PTPRT: variants seen among roughly 807,000 people sequenced by gnomAD.
PTPRT encodes the protein receptor-type tyrosine-protein phosphatase T.
A neutral mutation model predicts 176.8 loss-of-function variants in PTPRT; 56 were observed. That is an observed-to-expected ratio of 0.32 (90% CI 0.26 to 0.40). PTPRT has a LOEUF of 0.40. PTPRT is among the 10% of genes least tolerant of loss of function. The pLI, the probability that PTPRT is intolerant of heterozygous loss-of-function variation, is 1.00. For synonymous variants in PTPRT, 783 were observed against 739.0 expected (o/e 1.06, Z -0.96); for missense variants, 1,540 against 1,908.2 (o/e 0.81, Z 3.60).
At chr20:42,839,693 G>C (rs1326200687) in intron 2 of PTPRT, among the ~76,000 whole-genome samples, 1 of 152,194 alleles carries the variant, frequency 6.6e-6, no homozygotes, top group Non-Finnish European at 1.5e-5. Context: ...GACATCCCAA[G>C]GTATGGCATA....
At chr20:42,517,488 T>A (rs575635283) in intron 7 of PTPRT, among the ~76,000 whole-genome samples, 16 of 152,126 alleles carry the variant, frequency 1.1e-4, no homozygotes, top group Non-Finnish European at 1.8e-4. Context: ...ATTGTACATA[T>A]GCATTCCATT....
chr20:42,212,318 C>CA (rs71193651), intron 15 of PTPRT, among the ~76,000 whole-genome samples: 79,487 of 106,742 alleles, frequency 0.74, 28,479 homozygotes, highest in South Asian at 0.8. Context: ...AAAAAAAAGA[C>CA]AAAAAAAAAA....
intron 1 of PTPRT, among the ~76,000 whole-genome samples, chr20:42,938,876 A>C (rs1169364520): frequency 1.3e-5 from 2 of 152,238 alleles, no homozygotes; most frequent in Non-Finnish European, 2.9e-5. Flanking sequence ...GAAGGAAAGA[A>C]AAGAAACCAA....
At chr20:42,053,959 T>C in the PTPRT span, among the ~76,000 whole-genome samples, 1 of 152,260 alleles carries the variant, frequency 6.6e-6, no homozygotes, top group East Asian at 1.9e-4. Context: ...GGGGCAGGAA[T>C]CTGGGCTGAG....
chr20:42,089,583 T>C (rs1027040677), intron 27 of PTPRT, among the ~76,000 whole-genome samples: 2 of 152,236 alleles, frequency 1.3e-5, no homozygotes, highest in Admixed American at 1.3e-4. Context: ...CATTCGATTT[T>C]CTGGGTCACT....
rs1982654148 is a variant in PTPRT, at chr20:42,075,235, C to T, written c.*5644G>A. 1 of 239,148 alleles carries T rather than the reference C, an allele frequency of 4.2e-6. No homozygotes were observed. The highest frequency in any genetic ancestry group is 1.8e-4 in the South Asian group (1 of 5,592). 14.8% of individuals were successfully genotyped at this position (239,148 alleles called of 1,614,324 possible). ...TGTTTTACTTGGCTGTGATTTGAAG[C>T]TGGTCACAGGCTAAGAAGGAGCTCA... On this transcript the variant is annotated 3_prime_UTR_variant, in exon 31 of 31. Coordinates refer to ENST00000373187, the MANE Select transcript of PTPRT (RefSeq NM_007050.6).
At chr20:42,067,459 GA>G in the PTPRT span, among the ~76,000 whole-genome samples, 1 of 114,750 alleles carries the variant, frequency 8.7e-6, no homozygotes, top group Non-Finnish European at 1.8e-5. Flanking sequence ...TGCATGCATG[GA>G]TCCCAGATCC....
chr20:42,856,462 CAT>C (rs1051497429), intron 2 of PTPRT, among the ~76,000 whole-genome samples: 42 of 152,068 alleles, frequency 2.8e-4, no homozygotes, highest in African/African-American at 9.4e-4. Context: ...CTCCAGGAAA[CAT>C]AAATAGATCA....
chr20:42,483,804 G>A (rs141140388), intron 7 of PTPRT, among the ~76,000 whole-genome samples: 25 of 152,356 alleles, frequency 1.6e-4, no homozygotes, highest in African/African-American at 5.8e-4. Flanking sequence ...CATGCCCTCT[G>A]TATCTTGCTT....
chr20:42,366,440 T>A (rs1183099096), intron 9 of PTPRT, among the ~76,000 whole-genome samples: 1 of 152,186 alleles, frequency 6.6e-6, no homozygotes, highest in Non-Finnish European at 1.5e-5. Context: ...TCGCTTCCCA[T>A]CTCGTGGCTT....
In PTPRT at chr20:42,497,401, G is replaced by T. The variant is rs145114084; in HGVS notation, c.1154-24839C>A. On this transcript the variant is annotated intron_variant, in intron 7 of 30. Coordinates refer to ENST00000373187, the MANE Select transcript of PTPRT (RefSeq NM_007050.6). ...TTTTCTTAATGGCATCTGGGGTATT[G>T]TCTGCTGCCTCTTGGTGGGCAAAAG... Among the ~76,000 whole-genome samples the T allele has an allele frequency of 4.2e-4, 64 of 151,752 alleles. 3 individuals are homozygous for T. The East Asian group carries it at 0.012, about 28-fold the overall frequency.
At chr20:42,918,727 G>A (rs1158621877) in intron 1 of PTPRT, among the ~76,000 whole-genome samples, 1 of 152,176 alleles carries the variant, frequency 6.6e-6, no homozygotes, top group Non-Finnish European at 1.5e-5. Flanking sequence ...TCATTTGAGA[G>A]TTCAACCGTT....
intron 9 of PTPRT, among the ~76,000 whole-genome samples, chr20:42,412,849 T>C (rs1405054061): frequency 6.6e-6 from 1 of 152,058 alleles, no homozygotes; most frequent in Non-Finnish European, 1.5e-5. Flanking sequence ...AGAAAAACTA[T>C]AGGGACAGAA....
At chr20:42,779,277 A>G (rs551836649) in intron 4 of PTPRT, among the ~76,000 whole-genome samples, 42 of 152,346 alleles carry the variant, frequency 2.8e-4, no homozygotes, top group African/African-American at 1.0e-3. Flanking sequence ...AGGAGGACCC[A>G]TGATGTCTCT....
At chr20:42,620,346 C>T (rs2074167999) in intron 7 of PTPRT, among the ~76,000 whole-genome samples, 1 of 148,988 alleles carries the variant, frequency 6.7e-6, no homozygotes, top group Admixed American at 6.6e-5. Context: ...CTCTTCAAAG[C>T]TGTCAGACAG....
chr20:42,137,987 T>TA (rs1484114130), intron 18 of PTPRT, among the ~76,000 whole-genome samples: 2 of 152,374 alleles, frequency 1.3e-5, no homozygotes, highest in African/African-American at 4.8e-5. Flanking sequence ...TCTGGCCCTC[T>TA]AATCCAGGAG....
intron 7 of PTPRT, among the ~76,000 whole-genome samples, chr20:42,647,672 C>T (rs760590821): frequency 2.6e-5 from 4 of 152,136 alleles, no homozygotes; most frequent in Non-Finnish European, 5.9e-5. Context: ...CCACCCTCAG[C>T]GCTTGTGAAA....
At chr20:42,986,397 G>C (rs1277837606) in intron 1 of PTPRT, among the ~76,000 whole-genome samples, 2 of 152,182 alleles carry the variant, frequency 1.3e-5, no homozygotes, top group Admixed American at 1.3e-4. Flanking sequence ...ACCAGCGTTT[G>C]ATGAAAATAG....
Position 42,248,772 on chromosome 20 carries a change from T to C in PTPRT, c.2227A>G (p.Asn743Asp). 1.2e-6 allele frequency: 2 copies of C among 1,614,106 alleles called. No individual in the cohort carries two copies. The highest frequency in any genetic ancestry group is 1.1e-5 in the South Asian group (1 of 91,068). The change falls in exon 14 of 31, where the codon AAC becomes GAC. Residue 743 changes from asparagine (N) to aspartate (D), a missense_variant. Asn to Asp is a conservative substitution (Grantham distance 23, BLOSUM62 1). Around this residue, in one of 11 missense-constraint regions of PTPRT, gnomAD observed 255 missense variants for 250.1 expected, o/e 1.02. Transcript: ENST00000373187. Reference sequence around the variant, plus strand: ...ATCACGCCAGCCATCTTCACGGTGTTGTCCACCTGCTTCTCTGGCTCCACA... The same window carrying C: ...ATCACGCCAGCCATCTTCACGGTGTCGTCCACCTGCTTCTCTGGCTCCACA... ...NTVEPEKQVD[N>D]TVKMAGVIAG...
Sources: gnomAD v4.1 joint callset for allele counts (sites outside exome capture counted in the v4.1 genomes callset) on GRCh38, gnomAD v4.1.1 for gene constraint, gnomAD v4.1.1 regional missense constraint, MANE v1.5 for transcripts, NCBI Gene and HGNC (gene_info 2026-07-23, HGNC 2026-07-21) for gene names.